CA5A: variants seen among roughly 807,000 people sequenced by gnomAD.
The protein encoded by CA5A is carbonic anhydrase 5A, mitochondrial.
In CA5A, 28 loss-of-function variants were observed where a neutral mutation model predicts 37.1. The ratio of observed to expected loss-of-function variants is 0.75; its 90% CI spans 0.56 to 1.03. The LOEUF is 1.03. Ranked by LOEUF, CA5A falls within the 50% of genes least tolerant of loss-of-function variation. The probability of loss-of-function intolerance (pLI) is 0.00; values close to 1 mark genes in which losing one functional copy is unlikely to be tolerated. For missense variants in CA5A, 444 were observed against 399.9 expected, an observed-to-expected ratio of 1.11 and a Z score of -0.94; for synonymous variants, 171 against 158.4, an observed-to-expected ratio of 1.08 and a Z score of -0.60.
At chr16:87,910,551 G>A (rs1257836108) in intron 2 of CA5A, among the ~76,000 whole-genome samples, 1 of 152,064 alleles carries the variant, frequency 6.6e-6, no homozygotes, top group Non-Finnish European at 1.5e-5. Context: ...CCAATTTAAG[G>A]CTGCAGACCT....
chr16:87,891,803 C>G lies in CA5A; in HGVS notation c.770G>C (p.Ser257Thr). The change falls in exon 6 of 7, where the codon AGC becomes ACC. Residue 257 changes from serine to threonine, a missense_variant. Coordinates refer to ENST00000649794, the MANE Select transcript of CA5A (RefSeq NM_001739.2). ...IQKEPVEVAP[S>T]QLSAFRTLLF... ...CCAGTTACGGGCACGGCTCACCTGG[C>G]TTGGGGCCACTTCAACGGGCTCCTT... is the stretch of plus-strand genomic sequence containing the variant. 1 of 1,525,042 alleles carries G rather than the reference C, an allele frequency of 6.6e-7. No individual in the cohort carries two copies. Among genetic ancestry groups the G allele is most frequent in the Non-Finnish European group, 8.8e-7 (1 of 1,140,118 alleles). The allele number at this position is 1,525,042 out of a possible 1,614,324, so 94.5% of individuals were successfully genotyped here.
intron 3 of CA5A, among the ~76,000 whole-genome samples, chr16:87,903,243 CA>C (rs1488327755): frequency 6.6e-6 from 1 of 152,048 alleles, no homozygotes; most frequent in Non-Finnish European, 1.5e-5. Context: ...CCAGCCTGGC[CA>C]AGATGGTGAA....
intron 2 of CA5A, among the ~76,000 whole-genome samples, chr16:87,923,104 C>A (rs1240024570): frequency 6.6e-6 from 1 of 152,224 alleles, no homozygotes; most frequent in East Asian, 1.9e-4. Context: ...CTTCTCTGAG[C>A]CTTCATTTGT....
chr16:87,914,973 C>T (rs1371207858), intron 2 of CA5A, among the ~76,000 whole-genome samples: 1 of 152,230 alleles, frequency 6.6e-6, no homozygotes, highest in Non-Finnish European at 1.5e-5. Flanking sequence ...ACGCCGGGCA[C>T]CGAGTTGACG....
At chr16:87,927,858 A>G (rs1273520442) in intron 1 of CA5A, among the ~76,000 whole-genome samples, 1 of 142,452 alleles carries the variant, frequency 7.0e-6, no homozygotes, top group Non-Finnish European at 1.5e-5. Context: ...CTCTGCCTCA[A>G]AAAAAAAAAA....
rs540686071 is a variant in CA5A at position 87,926,771 on chromosome 16, A to C, written c.317T>G (p.Phe106Cys). Residue 106 changes from phenylalanine (F) to cysteine (C), a missense_variant, in exon 2 of 7, where the codon TTT becomes TGT. By Grantham distance (205) the Phe-to-Cys change is radical. Transcript: ENST00000649794. ...ACCTGATGCCTCGGTGGCATCGTCAAATTCCACCTGGAAGAGGTAGCCAGT... is the reference window on the plus strand; with the variant it reads ...ACCTGATGCCTCGGTGGCATCGTCACATTCCACCTGGAAGAGGTAGCCAGT... Reference protein sequence around the residue: ...WNTGYLFQVEFDDATEASGIS... With the variant: ...WNTGYLFQVECDDATEASGIS... 2.5e-6 allele frequency: 4 copies of C among 1,613,926 alleles called. No homozygotes were observed. In the African/African-American group the frequency reaches 4.0e-5, roughly 16 times the overall value.
intron 2 of CA5A, 44 bp from the exon 3 acceptor site, chr16:87,904,948 T>G (rs1597558229): frequency 1.6e-6 from 2 of 1,280,154 alleles, no homozygotes; most frequent in South Asian, 2.4e-5. Flanking sequence ...TTTGTCTGTT[T>G]GTTGAGCTGT....
rs113476198 is a variant in CA5A, at chr16:87,935,355, G to C, written c.142+954C>G. 2.3e-4 allele frequency among the ~76,000 whole-genome samples: 35 copies of C among 152,352 alleles called. 2 individuals carry two copies. The highest frequency in any genetic ancestry group is 8.4e-4 in the African/African-American group (35 of 41,586). On this transcript the variant is annotated intron_variant, in intron 1 of 6. Transcript: ENST00000649794. ...CACGGGGCAGTTTCTTGGCAGAGCT[G>C]GCTGAGTGGTTTATTTGTTACAGGT... is the stretch of plus-strand genomic sequence containing the variant.
At chr16:87,933,825 G>A (rs553308483) in intron 1 of CA5A, among the ~76,000 whole-genome samples, 3 of 152,154 alleles carry the variant, frequency 2.0e-5, no homozygotes, top group East Asian at 3.9e-4. Flanking sequence ...ATAAAACACC[G>A]ACATAGAAGG....
At chr16:87,920,996 T>G (rs186724113) in intron 2 of CA5A, among the ~76,000 whole-genome samples, 42 of 152,148 alleles carry the variant, frequency 2.8e-4, no homozygotes. Flanking sequence ...TTTCTCCATG[T>G]TGGTCAGGCT....
intron 5 of CA5A, among the ~76,000 whole-genome samples, chr16:87,896,147 A>G (rs2055799055): frequency 6.6e-6 from 1 of 152,246 alleles, no homozygotes; most frequent in Non-Finnish European, 1.5e-5. Flanking sequence ...AGATAGACAG[A>G]CAGATATAAA....
At chr16:87,893,321 G>T (rs1026810422) in intron 5 of CA5A, 1 of 355,476 alleles carries the variant, frequency 2.8e-6, no homozygotes. Context: ...TAGAGACGGG[G>T]TTTCACCATA....
At chr16:87,923,592 G>A (rs2056259950) in intron 2 of CA5A, 1 of 985,322 alleles carries the variant, frequency 1.0e-6, no homozygotes, top group Admixed American at 6.1e-5. Flanking sequence ...AGGTCTTGGT[G>A]AGGACATTAG....
intron 2 of CA5A, among the ~76,000 whole-genome samples, chr16:87,922,112 GT>G (rs1239109654): frequency 2.0e-5 from 3 of 152,096 alleles, no homozygotes; most frequent in African/African-American, 7.2e-5. Context: ...GGGGTTACAG[GT>G]GTGAGCCGCC....
Position 87,936,335 on chromosome 16 carries a change from C to T in CA5A, c.116G>A (p.Cys39Tyr), listed in dbSNP as rs746272161. 6 of 1,613,790 alleles carry T rather than the reference C, an allele frequency of 3.7e-6. No homozygotes were observed. The highest frequency in any genetic ancestry group is 5.1e-6 in the Non-Finnish European group (6 of 1,179,840). ...RPGRWCSQRSCAWQTSNNTLH... is the reference protein window; with the variant it reads ...RPGRWCSQRSYAWQTSNNTLH... ...AGTGTTATTGCTGGTTTGCCATGCA[C>T]AGGAACGCTGAGAACACCATCGCCC... The change falls in exon 1 of 7, where the codon TGT (cysteine) becomes TAT (tyrosine). Residue 39 changes from cysteine to tyrosine, a missense_variant. Transcript: ENST00000649794.
rs141858425 is a variant in CA5A at position 87,930,930 on chromosome 16, G to A, written c.143-3985C>T. The stretch of plus-strand genomic sequence containing the variant: ...GAATTTTTGTATTTTTAGTAGAGAC[G>A]GGGTTTCACCGTGTTGGCTAGGATG... On this transcript the variant is annotated intron_variant, in intron 1 of 6. Coordinates refer to ENST00000649794, the MANE Select transcript of CA5A (RefSeq NM_001739.2). Among the ~76,000 whole-genome samples the A allele has an allele frequency of 1.5e-3, 226 of 151,800 alleles. 3 individuals carry two copies. Among genetic ancestry groups the A allele is most frequent in the African/African-American group, 4.7e-3 (194 of 41,368 alleles).
intron 1 of CA5A, among the ~76,000 whole-genome samples, chr16:87,928,924 C>T (rs1395906519): frequency 2.7e-5 from 4 of 150,874 alleles, no homozygotes; most frequent in Non-Finnish European, 4.4e-5. Context: ...CGCGCCGCCA[C>T]ACCTGGCTAC....
At position 87,891,713 on chromosome 16, in the gene CA5A, C is replaced by T. The variant is rs978357448; in HGVS notation, c.774+86G>A. The T allele has an allele frequency of 4.2e-6, 5 of 1,180,762 alleles. No individual in the cohort carries two copies. The African/African-American group carries it at 4.8e-5, about 11-fold the overall frequency. The allele number at this position is 1,180,762 out of a possible 1,614,324, so 73.1% of individuals were successfully genotyped here. A position where few individuals can be genotyped will look rare whatever the true frequency, so the allele number is the denominator to read the frequency against. ...AAAGAATATATATAACTCCACAACG[C>T]TCTCATGCAGCATCTTAGTGACGCT... is the stretch of plus-strand genomic sequence containing the variant. On this transcript the variant is annotated intron_variant, in intron 6 of 6. Coordinates refer to ENST00000649794, the MANE Select transcript of CA5A (RefSeq NM_001739.2).
rs1297470209 is a variant in CA5A, at chr16:87,911,643, AG to A, written c.341-6740del. ...GAGGGCTTCTGTGTGCCACCTCCCC[AG>A]GCAGGCAGGGGCCGCAGCCACTGCA... On this transcript the variant is annotated intron_variant, in intron 2 of 6. Coordinates refer to ENST00000649794, the MANE Select transcript of CA5A (RefSeq NM_001739.2). The surrounding 1 kb of genome is among the most constrained non-coding windows in gnomAD (Gnocchi z 4.6). Among the ~76,000 whole-genome samples, 8 of 152,166 alleles carry A rather than the reference AG, an allele frequency of 5.3e-5. No individual in the cohort carries two copies. The highest frequency in any genetic ancestry group is 1.9e-4 in the African/African-American group (8 of 41,434).
Sources: allele counts gnomAD v4.1 joint callset (sites outside exome capture counted in the v4.1 genomes callset), GRCh38; gene constraint gnomAD v4.1.1; non-coding constraint Gnocchi (gnomAD v3.1); transcripts MANE v1.5; gene names NCBI Gene and HGNC (gene_info 2026-07-23, HGNC 2026-07-21).